The following RERE variants were observed in gnomAD, a reference collection of about 807,000 sequenced individuals.
RERE encodes arginine-glutamic acid dipeptide repeats protein.
A neutral mutation model predicts 146.1 loss-of-function variants in RERE; 40 were observed. The ratio of observed to expected loss-of-function variants is 0.27; its 90% CI spans 0.21 to 0.36. RERE has a LOEUF of 0.36. Ranked by LOEUF, RERE falls within the 10% of genes least tolerant of loss-of-function variation. RERE has a pLI of 1.00. For missense variants in RERE, 1,933 were observed against 2,138.7 expected, an observed-to-expected ratio of 0.90 and a Z score of 1.90; for synonymous variants, 1,003 against 866.0, an observed-to-expected ratio of 1.16 and a Z score of -2.78.
intron 1 of RERE, among the ~76,000 whole-genome samples, chr1:8,810,101 G>C (rs1641776369): frequency 6.6e-6 from 1 of 151,392 alleles, no homozygotes; most frequent in Non-Finnish European, 1.5e-5. Context: ...CGCCTCCCGG[G>C]TTCAAGCGAT....
At chr1:8,754,666 T>C (rs916154881) in intron 1 of RERE, among the ~76,000 whole-genome samples, 2 of 152,210 alleles carry the variant, frequency 1.3e-5, no homozygotes, top group Non-Finnish European at 2.9e-5. Context: ...TCTCCAATTA[T>C]GCTGATGAAG....
chr1:8,416,598 A>AAAAAAAAAAAG (rs1419532157), intron 12 of RERE, among the ~76,000 whole-genome samples: 3 of 147,684 alleles, frequency 2.0e-5, no homozygotes, highest in East Asian at 2.0e-4. Context: ...AAAAAAAAAA[A>AAAAAAAAAAAG]AAAAGAAAAG....
At chr1:8,520,431 T>C (rs559458013) in intron 7 of RERE, among the ~76,000 whole-genome samples, 36 of 152,226 alleles carry the variant, frequency 2.4e-4, no homozygotes, top group African/African-American at 8.2e-4. Flanking sequence ...ATTTCCATGC[T>C]GGTAAGATGC....
intron 1 of RERE, among the ~76,000 whole-genome samples, chr1:8,742,912 TTTG>T (rs1458949554): frequency 6.6e-6 from 1 of 151,984 alleles, no homozygotes; most frequent in Non-Finnish European, 1.5e-5. Flanking sequence ...TTTAAGCTTT[TTTG>T]TTGTTATTGC....
chr1:8,526,572 AG>A (rs1273964809), intron 7 of RERE, among the ~76,000 whole-genome samples: 1 of 151,964 alleles, frequency 6.6e-6, no homozygotes, highest in African/African-American at 2.4e-5. Context: ...TATTGTGAGC[AG>A]GGTAGCTAAA....
intron 4 of RERE, among the ~76,000 whole-genome samples, chr1:8,578,302 T>A (rs1383222315): frequency 6.6e-6 from 1 of 152,150 alleles, no homozygotes; most frequent in Non-Finnish European, 1.5e-5. Flanking sequence ...ATGGCAGACC[T>A]CCTTACACAA....
chr1:8,738,144 C>T (rs1640236710), intron 1 of RERE, among the ~76,000 whole-genome samples: 1 of 152,148 alleles, frequency 6.6e-6, no homozygotes, highest in Admixed American at 6.5e-5. Context: ...GAAGACCTTC[C>T]CTGCCCTCTC....
At chr1:8,410,631 C>T (rs999608061) in intron 12 of RERE, among the ~76,000 whole-genome samples, 3 of 152,218 alleles carry the variant, frequency 2.0e-5, no homozygotes, top group African/African-American at 4.8e-5. Context: ...AATACCTCAA[C>T]AGACAAGAAA....
chr1:8,505,112 C>CT (rs2124284297), intron 8 of RERE, among the ~76,000 whole-genome samples: 1 of 152,272 alleles, frequency 6.6e-6, no homozygotes, highest in Non-Finnish European at 1.5e-5. Flanking sequence ...ACCACATACA[C>CT]TGGGGGACTA....
At chr1:8,732,610 A>G (rs548369563) in intron 1 of RERE, among the ~76,000 whole-genome samples, 182 of 151,966 alleles carry the variant, frequency 1.2e-3, no homozygotes, top group Non-Finnish European at 1.9e-3. Flanking sequence ...TTTCTGTCAA[A>G]CCCCACAGAA....
intron 10 of RERE, among the ~76,000 whole-genome samples, chr1:8,466,872 G>A (rs1013872764): frequency 3.3e-5 from 5 of 152,188 alleles, no homozygotes; most frequent in Non-Finnish European, 7.4e-5. Context: ...GACACTCCAA[G>A]TTTCTGAGTT....
At chr1:8,480,875 C>T (rs1244652852) in intron 10 of RERE, among the ~76,000 whole-genome samples, 1 of 152,016 alleles carries the variant, frequency 6.6e-6, no homozygotes, top group African/African-American at 2.4e-5. Context: ...TTATAAATAC[C>T]ACATATATCT....
At chr1:8,535,096 C>T (rs879453209) in intron 7 of RERE, among the ~76,000 whole-genome samples, 4 of 151,946 alleles carry the variant, frequency 2.6e-5, no homozygotes, top group Non-Finnish European at 5.9e-5. Context: ...ACCGTACCTA[C>T]GAATAGCCAC....
intron 9 of RERE, among the ~76,000 whole-genome samples, chr1:8,496,404 G>C (rs1645046342): frequency 6.6e-6 from 1 of 151,732 alleles, no homozygotes; most frequent in South Asian, 2.1e-4. Context: ...TTGAGCTCAG[G>C]AAGTTAAGGC....
At chr1:8,615,972 CAG>C (rs749352878) in intron 3 of RERE, among the ~76,000 whole-genome samples, 1 of 152,304 alleles carries the variant, frequency 6.6e-6, no homozygotes, top group East Asian at 1.9e-4. Context: ...GTATAGCTGA[CAG>C]AGTGTCAGTA....
At chr1:8,639,947 A>T (rs897266853) in intron 2 of RERE, among the ~76,000 whole-genome samples, 17 of 152,170 alleles carry the variant, frequency 1.1e-4, no homozygotes, top group Non-Finnish European at 2.5e-4. Context: ...AGTTATACAG[A>T]GCTTTACAAA....
At chr1:8,566,139 T>C (rs1646149632) in intron 4 of RERE, among the ~76,000 whole-genome samples, 1 of 152,284 alleles carries the variant, frequency 6.6e-6, no homozygotes, top group African/African-American at 2.4e-5. Context: ...CTTGGTGTAT[T>C]TTAGTGTAGC....
At chr1:8,774,101 C>G (rs1557534602) in intron 1 of RERE, among the ~76,000 whole-genome samples, 1 of 152,174 alleles carries the variant, frequency 6.6e-6, no homozygotes, top group Non-Finnish European at 1.5e-5. Context: ...CTCCACGAAT[C>G]CACACACGCA....
At chr1:8,557,577 G>GGATATCATACCCATGACCAAAAGCC in intron 4 of RERE, 54 bp from the exon 5 acceptor site, 1 of 1,178,454 alleles carries the variant, frequency 8.5e-7, no homozygotes, top group Non-Finnish European at 1.3e-6. Flanking sequence ...GGCCACAAGT[G>GGATATCATACCCATGACCAAAAGCC]CATATCATAC....
Sources: allele counts gnomAD v4.1 joint callset (sites outside exome capture counted in the v4.1 genomes callset), GRCh38; gene constraint gnomAD v4.1.1; transcripts MANE v1.5; gene names NCBI Gene and HGNC (gene_info 2026-07-23, HGNC 2026-07-21).